Variants in DOCK11 observed in about 807,000 individuals in gnomAD.
The protein encoded by DOCK11 is dedicator of cytokinesis protein 11.
In DOCK11, 70 loss-of-function variants were observed where a neutral mutation model predicts 169.1. The ratio of observed to expected loss-of-function variants is 0.41; its 90% CI spans 0.34 to 0.51. The LOEUF is 0.51. Among genes scored for constraint, DOCK11 ranks in the 20% least tolerant of loss-of-function variants. The probability of loss-of-function intolerance (pLI) is 0.10; values close to 1 mark genes in which losing one functional copy is unlikely to be tolerated. For synonymous variants in DOCK11, 529 were observed against 541.3 expected (o/e 0.98, Z 0.32); for missense variants, 1,166 against 1,538.8 (o/e 0.76, Z 4.05).
chrX:118,557,081 T>C (rs1348474583), intron 6 of DOCK11, among the ~76,000 whole-genome samples: 1 of 112,444 alleles, frequency 8.9e-6, no homozygotes, highest in Non-Finnish European at 1.9e-5. Context: ...GGATTATTCA[T>C]TCATTGTTTA....
intron 6 of DOCK11, 94 bp downstream of exon 6, chrX:118,546,210 C>CAAAAAAGAAAAAA (rs2012272031): frequency 2.2e-5 from 1 of 45,863 alleles, no homozygotes; most frequent in African/African-American, 8.9e-5. Flanking sequence ...AGAGCCCTAG[C>CAAAAAAGAAAAAA]AAAAAAAAAA....
At chrX:118,571,074 T>TA (rs1172743203) in intron 10 of DOCK11, among the ~76,000 whole-genome samples, 1 of 111,785 alleles carries the variant, frequency 8.9e-6, no homozygotes, top group Admixed American at 9.5e-5. Flanking sequence ...GGATGCCTCT[T>TA]ACTCTGTTCA....
At position 118,599,256 on chromosome X, in the gene DOCK11, C is replaced by T. The variant is rs374210428; in HGVS notation, c.2562+28C>T. ...AAATGAACAGCAGCTTTCTGCAAAA[C>T]GTTTGTTTTTCATGTCTTTCTGTTG... On this transcript the variant is annotated intron_variant, in intron 23 of 52. Transcript: ENST00000276202. The T allele has an allele frequency of 2.0e-5, 22 of 1,094,617 alleles. No individual in the cohort carries two copies. In the South Asian group the frequency reaches 3.2e-4, roughly 16 times the overall value. 90.2% of individuals were successfully genotyped at this position (1,094,617 alleles called of 1,213,427 possible).
intron 52 of DOCK11, 67 bp downstream of exon 52, chrX:118,683,284 T>C: frequency 9.1e-7 from 1 of 1,104,688 alleles, no homozygotes; most frequent in Non-Finnish European, 1.2e-6. Context: ...CTTAGCAAAA[T>C]ATAATGGTTC....
chrX:118,649,784 C>T (rs771859473), intron 41 of DOCK11, among the ~76,000 whole-genome samples: 5 of 110,917 alleles, frequency 4.5e-5, no homozygotes, highest in African/African-American at 1.3e-4. Context: ...CAAAGTGCTG[C>T]GATTACAAGC....
In DOCK11 at chrX:118,680,467, TTTC is replaced by T. The variant is rs763535108; in HGVS notation, c.5461-12_5461-10del. ...TAAAATAAAATAAATAAATAAAAACTTTCTTATTTTATAGGTAAATGCCAAAGA... is the reference window on the plus strand; with the variant it reads ...TAAAATAAAATAAATAAATAAAAACTTTATTTTATAGGTAAATGCCAAAGA... On this transcript the variant is annotated splice_polypyrimidine_tract_variant and intron_variant, in intron 48 of 52. Coordinates refer to ENST00000276202, the MANE Select transcript of DOCK11 (RefSeq NM_144658.4). 289 of 958,602 alleles carry T rather than the reference TTTC, an allele frequency of 3.0e-4. No homozygotes were observed. The highest frequency in any genetic ancestry group is 3.6e-4 in the Non-Finnish European group (262 of 733,533). 79.0% of individuals were successfully genotyped at this position (958,602 alleles called of 1,213,427 possible).
chrX:118,565,245 T>A (rs1049844954), intron 7 of DOCK11, among the ~76,000 whole-genome samples: 2 of 111,716 alleles, frequency 1.8e-5, no homozygotes, highest in Non-Finnish European at 3.8e-5. Context: ...CCATCTTTAC[T>A]TTTTTGTTGC....
intron 16 of DOCK11, 101 bp downstream of exon 16, chrX:118,585,218 C>A: frequency 2.7e-6 from 2 of 750,845 alleles, no homozygotes; most frequent in Non-Finnish European, 4.0e-6. Flanking sequence ...ATTAGTTTCC[C>A]AGGGTTGCCA....
intron 23 of DOCK11, among the ~76,000 whole-genome samples, chrX:118,603,690 T>C (rs1013016358): frequency 3.6e-5 from 4 of 112,347 alleles, no homozygotes; most frequent in African/African-American, 1.3e-4. Context: ...CTTTATTTGT[T>C]TGGGTTTACT....
chrX:118,539,428 TG>T (rs1405857187), intron 1 of DOCK11, among the ~76,000 whole-genome samples: 1 of 110,430 alleles, frequency 9.1e-6, no homozygotes, highest in Non-Finnish European at 1.9e-5. Flanking sequence ...TACCAGGGGC[TG>T]GGGGCAAAGT....
chrX:118,582,380 C>T (rs116085619), intron 14 of DOCK11, among the ~76,000 whole-genome samples: 1,266 of 111,779 alleles, frequency 0.011, 23 homozygotes, highest in African/African-American at 0.039. Context: ...TACGGTCCCT[C>T]TTTGGGCCAT....
chrX:118,680,930 A>G (rs2016728627), intron 49 of DOCK11, 128 bp from the exon 50 acceptor site: 3 of 652,324 alleles, frequency 4.6e-6, no homozygotes, highest in Non-Finnish European at 6.9e-6. Flanking sequence ...GAAGTACTAT[A>G]TGGGACCCTA....
At chrX:118,653,883 T>C (rs1362041087) in intron 42 of DOCK11, among the ~76,000 whole-genome samples, 1 of 112,520 alleles carries the variant, frequency 8.9e-6, no homozygotes, top group Non-Finnish European at 1.9e-5. Flanking sequence ...GTGGCTAGGG[T>C]AAAGAGGAAA....
intron 29 of DOCK11, 122 bp from the exon 30 acceptor site, chrX:118,615,478 C>T: frequency 2.0e-6 from 1 of 506,679 alleles, no homozygotes; most frequent in South Asian, 3.4e-5. Context: ...GCACAGGTCG[C>T]ATCTCAAGGT....
chrX:118,592,393 G>A (rs747703661), intron 19 of DOCK11, among the ~76,000 whole-genome samples: 2 of 105,774 alleles, frequency 1.9e-5, no homozygotes, highest in African/African-American at 6.8e-5. Context: ...GTGATGATGA[G>A]CATTTTTTCA....
intron 40 of DOCK11, among the ~76,000 whole-genome samples, chrX:118,645,465 G>A (rs2015632724): frequency 3.6e-5 from 4 of 110,782 alleles, no homozygotes; most frequent in African/African-American, 6.6e-5. Context: ...AGGCCGAGGC[G>A]GGCAGATCAC....
chrX:118,642,665 T>G (rs2015561822), intron 39 of DOCK11, among the ~76,000 whole-genome samples: 1 of 111,441 alleles, frequency 9.0e-6, no homozygotes, highest in African/African-American at 3.3e-5. Flanking sequence ...CTAGCCACTA[T>G]ACCATGCCTT....
chrX:118,679,547 C>T (rs990311413), intron 48 of DOCK11, among the ~76,000 whole-genome samples: 3 of 110,934 alleles, frequency 2.7e-5, no homozygotes, highest in Non-Finnish European at 5.7e-5. Flanking sequence ...AAGCTAGCCT[C>T]AGCAACACAG....
chrX:118,653,125 C>A (rs1250623836), intron 42 of DOCK11, among the ~76,000 whole-genome samples: 1 of 111,683 alleles, frequency 9.0e-6, no homozygotes, highest in Non-Finnish European at 1.9e-5. Context: ...CCAGTTGTTA[C>A]CATCCTTAGT....
Sources: allele counts gnomAD v4.1 joint callset (sites outside exome capture counted in the v4.1 genomes callset), GRCh38; gene constraint gnomAD v4.1.1; transcripts MANE v1.5; gene names NCBI Gene and HGNC (gene_info 2026-07-23, HGNC 2026-07-21).